Variants in OPTN observed in about 807,000 individuals in gnomAD.
OPTN encodes E3-14.7K-interacting protein.
A neutral mutation model predicts 70.4 loss-of-function variants in OPTN; 54 were observed. That is an observed-to-expected ratio of 0.77 (90% confidence interval 0.62 to 0.96). The LOEUF (loss-of-function observed/expected upper bound fraction) is 0.96, where lower values mean the gene tolerates loss of function less well. Ranked by LOEUF, OPTN falls within the 40% of genes least tolerant of loss-of-function variation. The pLI, the probability that OPTN is intolerant of heterozygous loss-of-function variation, is 0.00. For synonymous variants in OPTN, 256 were observed against 248.5 expected, an observed-to-expected ratio of 1.03 and a Z score of -0.28; for missense variants, 624 against 673.2, an observed-to-expected ratio of 0.93 and a Z score of 0.81.
At chr10:13,123,524 A>G (rs2131513131) in intron 8 of OPTN, among the ~76,000 whole-genome samples, 1 of 152,328 alleles carries the variant, frequency 6.6e-6, no homozygotes, top group African/African-American at 2.4e-5. Flanking sequence ...GCAGGGAAAT[A>G]TGGTCTTTCA....
chr10:13,122,329 C>A, intron 7 of OPTN, 56 bp from the exon 8 acceptor site: 1 of 1,183,944 alleles, frequency 8.4e-7, no homozygotes, highest in Non-Finnish European at 1.3e-6. Context: ...GTAATAATTG[C>A]TATTTCTCTT....
At chr10:13,109,991 C>T (rs1832960473) in intron 3 of OPTN, among the ~76,000 whole-genome samples, 1 of 152,152 alleles carries the variant, frequency 6.6e-6, no homozygotes, top group Non-Finnish European at 1.5e-5. Flanking sequence ...ACTTCCTTAG[C>T]TCCTAGTAAC....
In OPTN at chr10:13,110,330, T is replaced by C. The variant is rs1832967921; in HGVS notation, c.223T>C (p.Trp75Arg). ...AGGGAGATTTGAGGAGCTTTCGGCC[T>C]GGACAGAGAAACAGAAGGAAGAACG... ...MKGRFEELSAWTEKQKEERQF... is the reference protein window; with the variant it reads ...MKGRFEELSARTEKQKEERQF... The change falls in exon 4 of 15, where the codon TGG becomes CGG. Residue 75 changes from tryptophan (W) to arginine (R), a missense_variant. Trp to Arg is a moderately radical substitution (Grantham distance 101). Coordinates refer to ENST00000378747, the MANE Select transcript of OPTN (RefSeq NM_001008212.2). 6.2e-7 allele frequency: 1 copy of C among 1,613,950 alleles called. No individual in the cohort carries two copies. The highest frequency in any genetic ancestry group is 1.3e-5 in the African/African-American group (1 of 74,876).
rs1833720839 is a variant in OPTN, at chr10:13,137,299, GGAAGGAAGGA to G, written c.*444_*453del. 1 of 320,948 alleles carries G rather than the reference GGAAGGAAGGA, an allele frequency of 3.1e-6. No individual in the cohort carries two copies. Among genetic ancestry groups the G allele is most frequent in the Non-Finnish European group, 5.9e-6 (1 of 170,734 alleles). 19.9% of individuals were successfully genotyped at this position (320,948 alleles called of 1,614,324 possible). A position where few individuals can be genotyped will look rare whatever the true frequency, so the allele number is the denominator to read the frequency against. ...GTCTCGAAAGAAAGAAAGAAAAAAAGGAAGGAAGGAGAAGGAAGGAAGGAGAAGAAAAGGT... is the reference window on the plus strand; with the variant it reads ...GTCTCGAAAGAAAGAAAGAAAAAAAGGAAGGAAGGAAGGAGAAGAAAAGGT... On this transcript the variant is annotated 3_prime_UTR_variant, in exon 15 of 15. Coordinates refer to ENST00000378747, the MANE Select transcript of OPTN (RefSeq NM_001008212.2).
Position 13,137,600 on chromosome 10 carries a change from T to C in OPTN, c.*734T>C, listed in dbSNP as rs2131536321. ...CACAGTATGTGCTGTTTTTGAAGCA[T>C]TTTTAAAAACGAATTGTAGTTGTTT... is the stretch of plus-strand genomic sequence containing the variant. On this transcript the variant is annotated 3_prime_UTR_variant, in exon 15 of 15. Coordinates refer to ENST00000378747, the MANE Select transcript of OPTN (RefSeq NM_001008212.2). The C allele has an allele frequency of 8.7e-6, 2 of 231,084 alleles. No individual in the cohort carries two copies. Among genetic ancestry groups the C allele is most frequent in the South Asian group, 3.6e-4 (2 of 5,514 alleles). 14.3% of individuals were successfully genotyped at this position (231,084 alleles called of 1,614,324 possible).
At chr10:13,105,121 A>G (rs185200584) in intron 1 of OPTN, among the ~76,000 whole-genome samples, 4 of 152,230 alleles carry the variant, frequency 2.6e-5, no homozygotes, top group Non-Finnish European at 5.9e-5. Context: ...ACTTTTAGTA[A>G]AATTTTGGTA....
At position 13,110,298 on chromosome 10, in the gene OPTN, C is replaced by T; in HGVS notation, c.191C>T (p.Ala64Val). The stretch of plus-strand genomic sequence containing the variant: ...GAAGCCATGAAGCTAAATAATCAAG[C>T]CATGAAAGGGAGATTTGAGGAGCTT... ...LKEAMKLNNQ[A>V]MKGRFEELSA... is the part of the protein sequence containing the mutation. Residue 64 changes from alanine to valine, a missense_variant, in exon 4 of 15, where the codon GCC (alanine) becomes GTC (valine). Ala to Val is a moderately conservative substitution (Grantham distance 64). Transcript: ENST00000378747. 6.2e-7 allele frequency: 1 copy of T among 1,613,956 alleles called. No individual in the cohort carries two copies. Among genetic ancestry groups the T allele is most frequent in the South Asian group, 1.1e-5 (1 of 91,014 alleles).
chr10:13,120,828 T>C (rs1357554988), intron 7 of OPTN, among the ~76,000 whole-genome samples: 1 of 152,142 alleles, frequency 6.6e-6, no homozygotes, highest in Non-Finnish European at 1.5e-5. Context: ...GACTGGGTAA[T>C]TTATAAAAGA....
At chr10:13,119,929 C>G (rs957902903) in intron 7 of OPTN, among the ~76,000 whole-genome samples, 2 of 151,078 alleles carry the variant, frequency 1.3e-5, no homozygotes, top group African/African-American at 4.9e-5. Context: ...GTTCATTTTA[C>G]ATTCTGGATA....
At chr10:13,116,496 A>C in intron 6 of OPTN, 156 bp downstream of exon 6, 1 of 696,334 alleles carries the variant, frequency 1.4e-6, no homozygotes, top group Non-Finnish European at 2.6e-6. Context: ...AATGCTATTT[A>C]ATGTTGCAGC....
chr10:13,116,873 C>T (rs556796671), intron 6 of OPTN, among the ~76,000 whole-genome samples: 1 of 152,220 alleles, frequency 6.6e-6, no homozygotes, highest in South Asian at 2.1e-4. Flanking sequence ...TCAAGTGTAC[C>T]TGTCCTATGT....
Position 13,115,570 on chromosome 10 carries a change from AATAT to A in OPTN, c.553-693_553-690del, listed in dbSNP as rs565817764. Among the ~76,000 whole-genome samples, 57 of 126,242 alleles carry A rather than the reference AATAT, an allele frequency of 4.5e-4. 2 individuals are homozygous for A. Among genetic ancestry groups the A allele is most frequent in the Middle Eastern group, 4.6e-3 (1 of 216 alleles). The allele number at this position is 126,242 out of a possible 152,430, so 82.8% of individuals were successfully genotyped here. ...ATTATACATTATATATTATACAATT[AATAT>A]ATAATTACATATATAACATTATATA... is the stretch of plus-strand genomic sequence containing the variant. On this transcript the variant is annotated intron_variant, in intron 5 of 14. Coordinates refer to ENST00000378747, the MANE Select transcript of OPTN (RefSeq NM_001008212.2).
At chr10:13,121,001 T>A (rs1187712975) in intron 7 of OPTN, among the ~76,000 whole-genome samples, 1 of 152,040 alleles carries the variant, frequency 6.6e-6, no homozygotes, top group African/African-American at 2.4e-5. Context: ...AACCATCAGA[T>A]CTCATGAGAA....
chr10:13,105,487 G>A (rs1362303752), intron 1 of OPTN, among the ~76,000 whole-genome samples: 8 of 152,154 alleles, frequency 5.3e-5, no homozygotes, highest in Non-Finnish European at 1.0e-4. Flanking sequence ...CCCTTAGCAC[G>A]ACCCCACTTT....
In OPTN at chr10:13,137,558, A is replaced by T. The variant is rs1357929684; in HGVS notation, c.*692A>T. The T allele has an allele frequency of 4.3e-6, 1 of 230,862 alleles. No individual in the cohort carries two copies. The highest frequency in any genetic ancestry group is 1.8e-4 in the South Asian group (1 of 5,526). The allele number at this position is 230,862 out of a possible 1,614,324, so 14.3% of individuals were successfully genotyped here. Reference sequence around the variant, plus strand: ...AATTTTAAGAACCTTTTAGGGATGCAGGAACAATGAAGTGGCCACAGTATG... The same window carrying T: ...AATTTTAAGAACCTTTTAGGGATGCTGGAACAATGAAGTGGCCACAGTATG... On this transcript the variant is annotated 3_prime_UTR_variant, in exon 15 of 15. Coordinates refer to ENST00000378747, the MANE Select transcript of OPTN (RefSeq NM_001008212.2).
Position 13,109,115 on chromosome 10 carries a change from C to T in OPTN, c.-8C>T. On this transcript the variant is annotated 5_prime_UTR_variant, in exon 3 of 15. Coordinates refer to ENST00000378747, the MANE Select transcript of OPTN (RefSeq NM_001008212.2). ...TCAACAGGTGACTTTTCCACAGGAA[C>T]TTCTGCAATGTCCCATCAACCTCTC... 1 of 1,613,900 alleles carries T rather than the reference C, an allele frequency of 6.2e-7. No homozygotes were observed. Among genetic ancestry groups the T allele is most frequent in the African/African-American group, 1.3e-5 (1 of 75,012 alleles).
chr10:13,132,371 A>C (rs540494756), intron 13 of OPTN, among the ~76,000 whole-genome samples, 174 bp downstream of exon 13: 2 of 152,108 alleles, frequency 1.3e-5, no homozygotes, highest in South Asian at 4.2e-4. Context: ...TAATAATAAT[A>C]ATTGCTTCAC....
intron 5 of OPTN, among the ~76,000 whole-genome samples, chr10:13,113,475 G>T (rs1833055417): frequency 6.6e-6 from 1 of 152,180 alleles, no homozygotes; most frequent in Admixed American, 6.5e-5. Context: ...CTACTCAGGA[G>T]CCTCTGAGAA....
At chr10:13,128,688 A>C (rs1471171817) in intron 12 of OPTN, among the ~76,000 whole-genome samples, 2 of 151,040 alleles carry the variant, frequency 1.3e-5, no homozygotes, top group Admixed American at 1.3e-4. Context: ...GACTACAGGC[A>C]TGTGCCAACA....
Sources: gnomAD v4.1 joint callset for allele counts (sites outside exome capture counted in the v4.1 genomes callset) on GRCh38, gnomAD v4.1.1 for gene constraint, MANE v1.5 for transcripts, NCBI Gene and HGNC (gene_info 2026-07-23, HGNC 2026-07-21) for gene names.